NMNAT2: variants seen among roughly 807,000 people sequenced by gnomAD.
NMNAT2 encodes the protein nicotinamide nucleotide adenylyltransferase 2, also known as nicotinamide/nicotinic acid mononucleotide adenylyltransferase 2.
NMNAT2 carries 11 observed loss-of-function variants against 41.6 expected under a neutral mutation model. That is an observed-to-expected ratio of 0.26 (90% CI 0.17 to 0.44). The LOEUF (loss-of-function observed/expected upper bound fraction) is 0.44. Ranked by LOEUF, NMNAT2 falls within the 20% of genes least tolerant of loss-of-function variation. The probability of loss-of-function intolerance (pLI) is 1.00; values close to 1 mark genes in which losing one functional copy is unlikely to be tolerated. For synonymous variants in NMNAT2, 148 were observed against 151.2 expected, an observed-to-expected ratio of 0.98 and a Z score of 0.16; for missense variants, 288 against 407.7, an observed-to-expected ratio of 0.71 and a Z score of 2.53.
chr1:183,277,338 C>T (rs1389756393), intron 8 of NMNAT2, among the ~76,000 whole-genome samples: 1 of 151,818 alleles, frequency 6.6e-6, no homozygotes, highest in Non-Finnish European at 1.5e-5. Flanking sequence ...CAAAAATTAG[C>T]TGGGCGTGGT....
chr1:183,280,684 G>A (rs1481915283), intron 7 of NMNAT2, among the ~76,000 whole-genome samples: 1 of 151,238 alleles, frequency 6.6e-6, no homozygotes, highest in African/African-American at 2.4e-5. Flanking sequence ...CACTACACTC[G>A]GCATGTAAAC....
chr1:183,279,978 CA>C (rs1661217113), intron 7 of NMNAT2, among the ~76,000 whole-genome samples: 1 of 152,202 alleles, frequency 6.6e-6, no homozygotes, highest in Admixed American at 6.5e-5. Flanking sequence ...GATGAGCTGA[CA>C]ACAGAGATCC....
Position 183,249,617 on chromosome 1 carries a change from G to A in NMNAT2, c.*3024C>T, listed in dbSNP as rs1050183740. The A allele has an allele frequency of 2.0e-5, 3 of 151,092 alleles. No individual in the cohort carries two copies. The highest frequency in any genetic ancestry group is 7.3e-5 in the African/African-American group (3 of 40,982). The allele number at this position is 151,092 out of a possible 1,614,324, so 9.4% of individuals were successfully genotyped here. A position where few individuals can be genotyped will look rare whatever the true frequency, so the allele number is the denominator to read the frequency against. ...CTGGTATTGACTGTGGCTGGGTCAT[G>A]GTCACAATGTCCTGTCCTGGATTTA... On this transcript the variant is annotated 3_prime_UTR_variant, in exon 11 of 11. Transcript: ENST00000287713.
chr1:183,418,080 C>T, intron 1 of NMNAT2, 103 bp downstream of exon 1: 1 of 1,119,280 alleles, frequency 8.9e-7, no homozygotes, highest in East Asian at 2.4e-5. Context: ...GCCCACCCCT[C>T]CGAAGGGGCA....
At chr1:183,320,666 A>C (rs1369760059) in intron 1 of NMNAT2, among the ~76,000 whole-genome samples, 1 of 152,206 alleles carries the variant, frequency 6.6e-6, no homozygotes, top group South Asian at 2.1e-4. Flanking sequence ...CTCTGAGTAC[A>C]TCATGATGTT....
At chr1:183,306,079 T>A (rs954525365) in intron 1 of NMNAT2, among the ~76,000 whole-genome samples, 2 of 152,160 alleles carry the variant, frequency 1.3e-5, no homozygotes, top group African/African-American at 4.8e-5. Context: ...AGTAAGAATA[T>A]CTTCATGGAA....
Position 183,326,406 on chromosome 1 carries a change from G to C in NMNAT2, c.86-32613C>G, listed in dbSNP as rs979576311. 4.0e-5 allele frequency among the ~76,000 whole-genome samples: 6 copies of C among 149,530 alleles called. 1 individual carries two copies. Among genetic ancestry groups the C allele is most frequent in the African/African-American group, 1.5e-4 (6 of 40,924 alleles). On this transcript the variant is annotated intron_variant, in intron 1 of 10. Transcript: ENST00000287713. ...AAAAAAAAAAAAAAAAAAAAAGACA[G>C]GGGAAGAGAACTATTTAGATATGGT...
intron 1 of NMNAT2, among the ~76,000 whole-genome samples, chr1:183,364,931 T>C (rs959502586): frequency 2.6e-5 from 4 of 152,070 alleles, no homozygotes; most frequent in Non-Finnish European, 4.4e-5. Flanking sequence ...AACCTCGTGA[T>C]GGGAGGATGA....
intron 1 of NMNAT2, among the ~76,000 whole-genome samples, chr1:183,345,750 G>A (rs1353311839): frequency 1.3e-5 from 2 of 150,338 alleles, no homozygotes; most frequent in Admixed American, 1.3e-4. Context: ...GCAGTGGCGC[G>A]ATCTCGGCTC....
intron 1 of NMNAT2, among the ~76,000 whole-genome samples, chr1:183,413,026 A>G (rs961261481): frequency 6.6e-6 from 1 of 152,246 alleles, no homozygotes; most frequent in Non-Finnish European, 1.5e-5. Flanking sequence ...CATGATTATA[A>G]GAATTTTCCT....
At chr1:183,306,481 C>T (rs940874141) in intron 1 of NMNAT2, among the ~76,000 whole-genome samples, 3 of 152,164 alleles carry the variant, frequency 2.0e-5, no homozygotes, top group African/African-American at 7.2e-5. Flanking sequence ...GGTTACCCAG[C>T]CCCTCCCTCA....
chr1:183,273,300 G>A (rs1661031111), intron 8 of NMNAT2, among the ~76,000 whole-genome samples: 1 of 152,360 alleles, frequency 6.6e-6, no homozygotes, highest in Admixed American at 6.5e-5. Flanking sequence ...TAATTCAGCT[G>A]AAGTTATTCT....
intron 1 of NMNAT2, among the ~76,000 whole-genome samples, chr1:183,297,470 C>T (rs1261846575): frequency 2.6e-5 from 4 of 151,554 alleles, no homozygotes; most frequent in Non-Finnish European, 5.9e-5. Flanking sequence ...GCAACCTCTG[C>T]CTCCCGGGTT....
intron 1 of NMNAT2, among the ~76,000 whole-genome samples, chr1:183,413,154 A>G (rs1330051146): frequency 6.6e-6 from 1 of 152,208 alleles, no homozygotes; most frequent in Non-Finnish European, 1.5e-5. Context: ...TAGGATGATA[A>G]TGGGGAAGAT....
At chr1:183,342,412 G>A (rs1662839229) in intron 1 of NMNAT2, among the ~76,000 whole-genome samples, 1 of 152,158 alleles carries the variant, frequency 6.6e-6, no homozygotes, top group East Asian at 1.9e-4. Context: ...AGGATGCTTA[G>A]ACCCATAGTG....
intron 1 of NMNAT2, among the ~76,000 whole-genome samples, chr1:183,349,726 G>A (rs1317232295): frequency 1.3e-5 from 2 of 152,224 alleles, no homozygotes; most frequent in East Asian, 1.9e-4. Flanking sequence ...TCCTATCTGC[G>A]TGGTGTAAGG....
chr1:183,396,723 C>T (rs947950121), intron 1 of NMNAT2, among the ~76,000 whole-genome samples: 1 of 152,308 alleles, frequency 6.6e-6, no homozygotes, highest in Non-Finnish European at 1.5e-5. Context: ...TCTCTCAAGT[C>T]ACCCCCTTGG....
At chr1:183,377,185 G>C (rs1315119725) in intron 1 of NMNAT2, among the ~76,000 whole-genome samples, 2 of 152,128 alleles carry the variant, frequency 1.3e-5, no homozygotes, top group African/African-American at 2.4e-5. Context: ...AGGAATTCTT[G>C]TTGGGTGCAA....
chr1:183,407,085 G>A (rs935708041), intron 1 of NMNAT2, among the ~76,000 whole-genome samples: 1 of 152,152 alleles, frequency 6.6e-6, no homozygotes, highest in Non-Finnish European at 1.5e-5. Context: ...CCAAAGTGCT[G>A]GGATCATAGG....
Sources: allele counts gnomAD v4.1 joint callset (sites outside exome capture counted in the v4.1 genomes callset), GRCh38; gene constraint gnomAD v4.1.1; transcripts MANE v1.5; gene names NCBI Gene and HGNC (gene_info 2026-07-23, HGNC 2026-07-21).